The following NEK11 variants were observed in gnomAD, a reference collection of about 807,000 sequenced individuals.
The protein encoded by NEK11 is NIMA related kinase 11.
In NEK11, 72 loss-of-function variants were observed where a neutral mutation model predicts 80.7. The observed-to-expected ratio is 0.89, with a 90% CI of 0.74 to 1.08. The LOEUF (loss-of-function observed/expected upper bound fraction) is 1.08, where lower values mean the gene tolerates loss of function less well. Among genes scored for constraint, NEK11 ranks in the 50% least tolerant of loss-of-function variants. NEK11 has a pLI of 0.00. For missense variants in NEK11, 764 were observed against 763.6 expected (o/e 1.00, Z -0.01); for synonymous variants, 251 against 260.7 (o/e 0.96, Z 0.36).
chr3:131,027,195 G>A (rs1457384429), intron 1 of NEK11, 189 bp downstream of exon 1: 1 of 152,140 alleles, frequency 6.6e-6, no homozygotes, highest in Non-Finnish European at 1.5e-5. Flanking sequence ...AACCTGCTTT[G>A]CCAAAATGTA....
chr3:131,049,551 A>G (rs2068000431), intron 3 of NEK11, among the ~76,000 whole-genome samples: 1 of 152,204 alleles, frequency 6.6e-6, no homozygotes, highest in Non-Finnish European at 1.5e-5. Context: ...CTTATGTCCC[A>G]CAAACGGCTT....
chr3:131,268,904 T>C (rs1217317372), intron 16 of NEK11, among the ~76,000 whole-genome samples: 1 of 152,194 alleles, frequency 6.6e-6, no homozygotes, highest in East Asian at 1.9e-4. Context: ...CCCAGGGAGA[T>C]TGGGGTTTTA....
intron 17 of NEK11, among the ~76,000 whole-genome samples, chr3:131,335,175 A>C (rs1437142689): frequency 6.6e-6 from 1 of 152,226 alleles, no homozygotes; most frequent in Non-Finnish European, 1.5e-5. Context: ...AAAAAAGAGA[A>C]TTTAAGACCA....
intron 17 of NEK11, among the ~76,000 whole-genome samples, chr3:131,308,055 A>T (rs1431584678): frequency 6.6e-6 from 1 of 152,266 alleles, no homozygotes; most frequent in Non-Finnish European, 1.5e-5. Context: ...TCAGAGGAAT[A>T]AATGACAGGA....
rs397734854 is a variant in NEK11, at chr3:131,219,568, A to AT, written c.1400-8960_1400-8959insT. The stretch of plus-strand genomic sequence containing the variant: ...AACTTAAAGTATACAAAAAAAAAAA[A>AT]GAGGAATAAGAGATTAGGACACAGG... On this transcript the variant is annotated intron_variant, in intron 14 of 17. Coordinates refer to ENST00000383366, the MANE Select transcript of NEK11 (RefSeq NM_024800.5). Among the ~76,000 whole-genome samples the AT allele has an allele frequency of 3.3e-3, 505 of 151,370 alleles. 1 individual carries two copies. The highest frequency in any genetic ancestry group is 0.012 in the African/African-American group (476 of 41,218).
At chr3:131,304,851 A>T (rs891340620) in intron 17 of NEK11, among the ~76,000 whole-genome samples, 1 of 152,158 alleles carries the variant, frequency 6.6e-6, no homozygotes, top group Non-Finnish European at 1.5e-5. Context: ...TCACGCGCAC[A>T]TGCCATCAGC....
intron 15 of NEK11, among the ~76,000 whole-genome samples, chr3:131,236,124 T>G (rs1353287160): frequency 6.6e-6 from 1 of 152,202 alleles, no homozygotes; most frequent in African/African-American, 2.4e-5. Flanking sequence ...ATTCTTGTGT[T>G]TTTGTGGCAA....
chr3:131,122,154 A>C (rs2082495074), intron 5 of NEK11, among the ~76,000 whole-genome samples: 1 of 152,104 alleles, frequency 6.6e-6, no homozygotes, highest in Non-Finnish European at 1.5e-5. Flanking sequence ...TAGTGTTAAG[A>C]ACTCATTTTT....
At chr3:131,166,084 T>C (rs1409567393) in intron 12 of NEK11, among the ~76,000 whole-genome samples, 40 of 152,216 alleles carry the variant, frequency 2.6e-4, no homozygotes, top group Admixed American at 2.6e-3. Context: ...TTTTCTCTAA[T>C]GGTTGACAAT....
intron 17 of NEK11, among the ~76,000 whole-genome samples, chr3:131,282,964 T>C (rs1233072942): frequency 6.6e-6 from 1 of 152,212 alleles, no homozygotes; most frequent in African/African-American, 2.4e-5. Context: ...GCATGCCTCC[T>C]TTGTGCCAGG....
intron 15 of NEK11, among the ~76,000 whole-genome samples, chr3:131,241,973 T>C (rs1317934338): frequency 6.6e-6 from 1 of 152,170 alleles, no homozygotes; most frequent in Non-Finnish European, 1.5e-5. Context: ...TCAATATTTG[T>C]ATTTTGACAT....
chr3:131,203,747 A>ATGTGTG (rs1166405831), intron 14 of NEK11, among the ~76,000 whole-genome samples: 19 of 64,290 alleles, frequency 3.0e-4, no homozygotes, highest in South Asian at 6.5e-4. Context: ...GTATATATAT[A>ATGTGTG]TGTGTGTGTG....
chr3:131,239,315 T>A (rs1156269643), intron 15 of NEK11, among the ~76,000 whole-genome samples: 1 of 152,156 alleles, frequency 6.6e-6, no homozygotes, highest in African/African-American at 2.4e-5. Flanking sequence ...CTGAGCAAGA[T>A]GAAGCTCAGC....
intron 14 of NEK11, among the ~76,000 whole-genome samples, chr3:131,181,302 C>T (rs1402727797): frequency 6.6e-6 from 1 of 152,034 alleles, no homozygotes; most frequent in East Asian, 1.9e-4. Flanking sequence ...AGACAATGAG[C>T]CAAGGAAAGC....
chr3:131,247,196 G>A lies in NEK11; in HGVS notation c.1621+3700G>A, dbSNP rs113642688. 9.6e-3 allele frequency among the ~76,000 whole-genome samples: 1,464 copies of A among 152,060 alleles called. 17 individuals are homozygous for A. The highest frequency in any genetic ancestry group is 0.032 in the African/African-American group (1,310 of 41,482). On this transcript the variant is annotated intron_variant, in intron 16 of 17. Coordinates refer to ENST00000383366, the MANE Select transcript of NEK11 (RefSeq NM_024800.5). ...TCTTGGTAATGAAGTATTTGGCTAA[G>A]CCAGTGTCTACACGGGTTTTTTCTG...
chr3:131,221,053 T>G (rs1270169166), intron 14 of NEK11, among the ~76,000 whole-genome samples: 1 of 152,200 alleles, frequency 6.6e-6, no homozygotes, highest in Non-Finnish European at 1.5e-5. Flanking sequence ...TCCACGTTAC[T>G]CTCCCAAAGG....
chr3:131,257,749 T>C (rs2095842454), intron 16 of NEK11, among the ~76,000 whole-genome samples: 1 of 152,154 alleles, frequency 6.6e-6, no homozygotes, highest in African/African-American at 2.4e-5. Flanking sequence ...ACAACCACTA[T>C]GGAAAACAGT....
chr3:131,302,288 T>C (rs1257395015), intron 17 of NEK11, among the ~76,000 whole-genome samples: 1 of 152,056 alleles, frequency 6.6e-6, no homozygotes, highest in Non-Finnish European at 1.5e-5. Context: ...ATCAGTCTTA[T>C]TTACTCTTTT....
chr3:131,242,363 C>T (rs1483951514), intron 15 of NEK11, among the ~76,000 whole-genome samples: 1 of 152,120 alleles, frequency 6.6e-6, no homozygotes, highest in Non-Finnish European at 1.5e-5. Flanking sequence ...GGCTTCCCAG[C>T]ACTTGGCTGA....
Sources: allele counts gnomAD v4.1 joint callset (sites outside exome capture counted in the v4.1 genomes callset), GRCh38; gene constraint gnomAD v4.1.1; transcripts MANE v1.5; gene names NCBI Gene and HGNC (gene_info 2026-07-23, HGNC 2026-07-21).